CACNB2: variants seen among roughly 807,000 people sequenced by gnomAD.
CACNB2 encodes the protein voltage-dependent L-type calcium channel subunit beta-2.
In CACNB2, 42 loss-of-function variants were observed where a neutral mutation model predicts 73.3. The ratio of observed to expected loss-of-function variants is 0.57; its 90% CI spans 0.45 to 0.74. The LOEUF is 0.74. Ranked by LOEUF, CACNB2 falls within the 30% of genes least tolerant of loss-of-function variation. The pLI, the probability that CACNB2 is intolerant of heterozygous loss-of-function variation, is 0.00. For missense variants in CACNB2, 940 were observed against 853.0 expected (o/e 1.10, Z -1.27); for synonymous variants, 348 against 310.3 (o/e 1.12, Z -1.28).
At chr10:18,199,844 T>C (rs1214661020) in intron 2 of CACNB2, among the ~76,000 whole-genome samples, 1 of 152,068 alleles carries the variant, frequency 6.6e-6, no homozygotes, top group Non-Finnish European at 1.5e-5. Context: ...TAGCTTGGTC[T>C]AGAACATTGG....
At chr10:18,308,745 C>T (rs1292942801) in intron 2 of CACNB2, among the ~76,000 whole-genome samples, 1 of 152,144 alleles carries the variant, frequency 6.6e-6, no homozygotes, top group African/African-American at 2.4e-5. Flanking sequence ...TGGGAGCCAG[C>T]AACGTTACAG....
At chr10:18,158,971 G>A (rs999954791) in intron 2 of CACNB2, among the ~76,000 whole-genome samples, 9 of 152,148 alleles carry the variant, frequency 5.9e-5, no homozygotes, top group African/African-American at 2.2e-4. Context: ...AGAGGAGGCA[G>A]TGTTAGTAAC....
intron 2 of CACNB2, among the ~76,000 whole-genome samples, chr10:18,300,835 C>T (rs563317782): frequency 6.7e-6 from 1 of 149,364 alleles, no homozygotes; most frequent in African/African-American, 2.5e-5. Flanking sequence ...GGTAACAGAG[C>T]GAGATTCCAT....
chr10:18,391,246 T>C (rs527707194), intron 2 of CACNB2, among the ~76,000 whole-genome samples: 2 of 152,342 alleles, frequency 1.3e-5, no homozygotes, highest in South Asian at 2.1e-4. Context: ...GTTTTATTCT[T>C]TATTCATTAT....
At chr10:18,267,762 C>T (rs1478517143) in intron 2 of CACNB2, among the ~76,000 whole-genome samples, 2 of 152,190 alleles carry the variant, frequency 1.3e-5, no homozygotes, top group Non-Finnish European at 2.9e-5. Context: ...GGTCATGGGA[C>T]CCTCTGGTTG....
chr10:18,377,074 T>C (rs1316271352), intron 2 of CACNB2, among the ~76,000 whole-genome samples: 1 of 152,228 alleles, frequency 6.6e-6, no homozygotes, highest in African/African-American at 2.4e-5. Context: ...CTGAAGTGAT[T>C]ATTATATATT....
intron 2 of CACNB2, among the ~76,000 whole-genome samples, chr10:18,343,641 A>T (rs1418269619): frequency 6.6e-6 from 1 of 152,212 alleles, no homozygotes; most frequent in African/African-American, 2.4e-5. Context: ...GCTAGGAATG[A>T]AAGAACTTAG....
intron 2 of CACNB2, among the ~76,000 whole-genome samples, chr10:18,272,074 TG>T (rs1475339501): frequency 2.6e-5 from 4 of 152,110 alleles, no homozygotes; most frequent in Admixed American, 2.6e-4. Flanking sequence ...CCAGTGAGTC[TG>T]TGAAGCTTCC....
chr10:18,340,882 G>A (rs2041204912), intron 2 of CACNB2: 1 of 1,613,990 alleles, frequency 6.2e-7, no homozygotes, highest in African/African-American at 1.3e-5. Context: ...CTCCTGTGAA[G>A]AAAATTCCTG....
chr10:18,449,156 G>A (rs565705067), intron 3 of CACNB2, among the ~76,000 whole-genome samples: 7 of 152,128 alleles, frequency 4.6e-5, no homozygotes, highest in Non-Finnish European at 1.0e-4. Context: ...GGGCTGAGGC[G>A]GGTGGATCAC....
At chr10:18,344,538 T>C (rs974160033) in intron 2 of CACNB2, among the ~76,000 whole-genome samples, 1 of 151,892 alleles carries the variant, frequency 6.6e-6, no homozygotes, top group African/African-American at 2.4e-5. Context: ...CCAGCTAATT[T>C]TTTTTGTATT....
chr10:18,505,388 A>T (rs1019721398), intron 5 of CACNB2, among the ~76,000 whole-genome samples: 1 of 152,190 alleles, frequency 6.6e-6, no homozygotes, highest in East Asian at 1.9e-4. Flanking sequence ...GTATTTGAGT[A>T]TCTCTTAAGA....
At chr10:18,419,107 A>G (rs994979727) in intron 3 of CACNB2, among the ~76,000 whole-genome samples, 3 of 152,210 alleles carry the variant, frequency 2.0e-5, no homozygotes, top group Admixed American at 6.5e-5. Flanking sequence ...GGCTGTGACA[A>G]TCTAAAGCTC....
intron 6 of CACNB2, 83 bp from the exon 7 acceptor site, chr10:18,514,149 GGTTA>G (rs781407853): frequency 3.2e-4 from 441 of 1,399,916 alleles, no homozygotes; most frequent in Non-Finnish European, 4.2e-4. Flanking sequence ...TTTTTACTAT[GGTTA>G]GTTTTATTTG....
At chr10:18,332,309 G>A (rs1405158754) in intron 2 of CACNB2, among the ~76,000 whole-genome samples, 2 of 152,140 alleles carry the variant, frequency 1.3e-5, no homozygotes, top group Non-Finnish European at 2.9e-5. Context: ...GAAATACTTT[G>A]GAGTTAGCAT....
intron 2 of CACNB2, among the ~76,000 whole-genome samples, chr10:18,325,135 G>A (rs911321417): frequency 6.6e-6 from 1 of 152,140 alleles, no homozygotes; most frequent in African/African-American, 2.4e-5. Context: ...GAGCATCCCC[G>A]TTTTTTAGTT....
Position 18,140,608 on chromosome 10 carries a change from C to A in CACNB2, c.-129C>A. The A allele has an allele frequency of 1.5e-6, 1 of 675,324 alleles. No homozygotes were observed. 41.8% of individuals were successfully genotyped at this position (675,324 alleles called of 1,614,324 possible). A position where few individuals can be genotyped will look rare whatever the true frequency, so the allele number is the denominator to read the frequency against. On this transcript the variant is annotated 5_prime_UTR_variant, in exon 1 of 14. Coordinates refer to ENST00000324631, the MANE Select transcript of CACNB2 (RefSeq NM_201596.3). ...AGTCCCGGGGCGCTGCGGGGCGCTG[C>A]GCCGAGAACGGCCGGGCCTGAGCCC... is the stretch of plus-strand genomic sequence containing the variant.
chr10:18,192,594 T>C (rs1454823326), intron 2 of CACNB2, among the ~76,000 whole-genome samples: 1 of 152,172 alleles, frequency 6.6e-6, no homozygotes, highest in Non-Finnish European at 1.5e-5. Flanking sequence ...CCAACACATT[T>C]CCGCCACACC....
chr10:18,141,365 G>A (rs774136371), intron 1 of CACNB2: 6 of 758,880 alleles, frequency 7.9e-6, no homozygotes, highest in Non-Finnish European at 1.4e-5. Flanking sequence ...GGGGTGCCCT[G>A]CCGGATCCCC....
Sources: allele counts gnomAD v4.1 joint callset (sites outside exome capture counted in the v4.1 genomes callset), GRCh38; gene constraint gnomAD v4.1.1; transcripts MANE v1.5; gene names NCBI Gene and HGNC (gene_info 2026-07-23, HGNC 2026-07-21).